Variants in GNA14 observed in about 807,000 individuals in gnomAD.
GNA14 encodes guanine nucleotide-binding protein subunit alpha-14.
In GNA14, 50 loss-of-function variants were observed where a neutral mutation model predicts 42.0. The observed-to-expected ratio is 1.19, with a 90% CI of 0.95 to 1.51. The LOEUF (loss-of-function observed/expected upper bound fraction) is 1.51, where lower values mean the gene tolerates loss of function less well. GNA14 is among the 40% of genes most tolerant of loss of function. The pLI is 0.00. For synonymous variants in GNA14, 173 were observed against 163.1 expected, an observed-to-expected ratio of 1.06 and a Z score of -0.46; for missense variants, 473 against 446.2, an observed-to-expected ratio of 1.06 and a Z score of -0.54.
At chr9:77,603,966 A>C (rs796839284) in intron 1 of GNA14, among the ~76,000 whole-genome samples, 1,862 of 148,104 alleles carry the variant, frequency 0.013, 19 homozygotes, top group African/African-American at 0.029. Flanking sequence ...CAAAAAAAAA[A>C]AAAAAAAAAA....
chr9:77,581,435 C>T (rs1376971462), intron 1 of GNA14, among the ~76,000 whole-genome samples: 1 of 152,180 alleles, frequency 6.6e-6, no homozygotes, highest in Non-Finnish European at 1.5e-5. Context: ...AACCATAGTA[C>T]CTACATCATG....
At chr9:77,517,308 A>G (rs975197341) in intron 2 of GNA14, 1 of 151,810 alleles carries the variant, frequency 6.6e-6, no homozygotes, top group African/African-American at 2.4e-5. Flanking sequence ...TCATTCATTC[A>G]TTCAAAAATA....
intron 2 of GNA14, chr9:77,518,132 T>C (rs1837291116): frequency 6.6e-6 from 1 of 152,040 alleles, no homozygotes; most frequent in Non-Finnish European, 1.5e-5. Context: ...TTTTGTAATA[T>C]CACCAGGAGC....
At chr9:77,504,874 G>C (rs760493301) in intron 2 of GNA14, among the ~76,000 whole-genome samples, 2 of 151,770 alleles carry the variant, frequency 1.3e-5, no homozygotes, top group Non-Finnish European at 2.9e-5. Context: ...CATCACGTTG[G>C]GCAGGATGGT....
At chr9:77,647,644 C>T in intron 1 of GNA14, 26 bp downstream of exon 1, 11 of 1,599,722 alleles carry the variant, frequency 6.9e-6, no homozygotes, top group Non-Finnish European at 9.4e-6. Context: ...GCCCGGCTCA[C>T]TGGAGTCGGA....
At chr9:77,546,891 C>A (rs1317072568) in intron 1 of GNA14, among the ~76,000 whole-genome samples, 3 of 152,066 alleles carry the variant, frequency 2.0e-5, no homozygotes, top group Admixed American at 6.5e-5. Context: ...TCTGGTTGCC[C>A]AGGGCAGCCT....
rs779445775 is a variant in GNA14, at chr9:77,428,962, A to G, written c.668T>C (p.Ile223Thr). Residue 223 changes from isoleucine (I) to threonine (T), a missense_variant, in exon 5 of 7, where the codon ATT (isoleucine) becomes ACT (threonine). Ile to Thr is a moderately conservative substitution (Grantham distance 89). Transcript: ENST00000341700. The part of the protein sequence containing the change: ...IHCFESVTSI[I>T]FLVALSEYDQ... ...ATATTCACTCAGAGCAACCAAGAAA[A>G]TAATGGAGGTGACACTCTCAAAGCA... The G allele has an allele frequency of 1.2e-6, 2 of 1,614,012 alleles. No homozygotes were observed. Among genetic ancestry groups the G allele is most frequent in the East Asian group, 4.5e-5 (2 of 44,880 alleles).
chr9:77,564,548 G>A (rs563700529), intron 1 of GNA14, among the ~76,000 whole-genome samples: 184 of 152,028 alleles, frequency 1.2e-3, no homozygotes, highest in Non-Finnish European at 2.2e-3. Flanking sequence ...AAATATTATG[G>A]CTGGGCATGG....
At chr9:77,437,657 A>C (rs942634717) in intron 2 of GNA14, among the ~76,000 whole-genome samples, 1 of 152,036 alleles carries the variant, frequency 6.6e-6, no homozygotes, top group East Asian at 1.9e-4. Context: ...AAGGAAAGAA[A>C]GAAAGAAACT....
chr9:77,601,991 G>A (rs943766255), intron 1 of GNA14, among the ~76,000 whole-genome samples: 1 of 152,180 alleles, frequency 6.6e-6, no homozygotes, highest in African/African-American at 2.4e-5. Flanking sequence ...CCTGCATCAT[G>A]TTTTACAATT....
chr9:77,604,367 T>C lies in GNA14; in HGVS notation c.124+43303A>G, dbSNP rs546717572. Among the ~76,000 whole-genome samples the C allele has an allele frequency of 2.6e-5, 4 of 152,344 alleles. No individual in the cohort carries two copies. In the East Asian group the frequency reaches 7.7e-4, roughly 29 times the overall value. On this transcript the variant is annotated intron_variant, in intron 1 of 6. Transcript: ENST00000341700. ...ATGTCAAGCATCAAAGGCTGAAGTT[T>C]AGTCTCTCTCACTTTGGTAAAGCCC...
In GNA14 at chr9:77,529,088, T is replaced by TACTG; in HGVS notation, c.286_289dup (p.Tyr97SerfsTer5). The stretch of plus-strand genomic sequence containing the variant: ...CGTTACCTTATTCTGTTCACACACA[T>TACTG]ACTGTATCCTTAGCGTGTCCATCGC... On this transcript the variant is annotated frameshift_variant, in exon 2 of 7. Transcript: ENST00000341700. LOFTEE classifies it high-confidence loss of function. 6.2e-7 allele frequency: 1 copy of TACTG among 1,614,138 alleles called. No homozygotes were observed. Among genetic ancestry groups the TACTG allele is most frequent in the Non-Finnish European group, 8.5e-7 (1 of 1,179,958 alleles).
In GNA14 at chr9:77,647,760, TCTC is replaced by T. The variant is rs1353686739; in HGVS notation, c.31_33del (p.Glu11del). ...TCCGCGCTGATGCGCTGCGACTCCT[TCTC>T]CTCCGCGGACAGGCAGCAGCAGCCG... On this transcript the variant is annotated inframe_deletion, in exon 1 of 7. Transcript: ENST00000341700. 3.1e-6 allele frequency: 5 copies of T among 1,610,184 alleles called. No individual in the cohort carries two copies. The highest frequency in any genetic ancestry group is 1.1e-5 in the South Asian group (1 of 90,396).
chr9:77,491,134 T>C (rs1236137740), intron 2 of GNA14, among the ~76,000 whole-genome samples: 1 of 152,228 alleles, frequency 6.6e-6, no homozygotes, highest in African/African-American at 2.4e-5. Flanking sequence ...AAGCTATCTT[T>C]TAAATATGAA....
chr9:77,494,455 G>GA (rs35470646), intron 2 of GNA14, among the ~76,000 whole-genome samples: 8 of 150,048 alleles, frequency 5.3e-5, no homozygotes, highest in East Asian at 1.9e-4. Flanking sequence ...TATTGTGATT[G>GA]AAAAAAAAAA....
intron 2 of GNA14, chr9:77,526,790 G>A (rs964423674): frequency 3.3e-5 from 5 of 152,176 alleles, no homozygotes; most frequent in Non-Finnish European, 5.9e-5. Context: ...TGTTATAACA[G>A]CCCTAGGAAA....
intron 1 of GNA14, among the ~76,000 whole-genome samples, chr9:77,560,385 C>G (rs1320242441): frequency 1.3e-5 from 2 of 149,726 alleles, no homozygotes; most frequent in African/African-American, 4.9e-5. Context: ...GCCTCCCAGG[C>G]TTAAGTGATC....
chr9:77,458,792 C>T (rs1335183013), intron 2 of GNA14, among the ~76,000 whole-genome samples: 1 of 151,928 alleles, frequency 6.6e-6, no homozygotes, highest in Non-Finnish European at 1.5e-5. Flanking sequence ...CCCGAGGGGA[C>T]ACAGCAGAAA....
At chr9:77,458,904 A>AGG (rs138020529) in intron 2 of GNA14, among the ~76,000 whole-genome samples, 15,011 of 134,164 alleles carry the variant, frequency 0.11, 1,007 homozygotes, top group African/African-American at 0.17. Flanking sequence ...CACAAGCTGG[A>AGG]GGGGGGGGGG....
Sources: gnomAD v4.1 joint callset for allele counts (sites outside exome capture counted in the v4.1 genomes callset) on GRCh38, gnomAD v4.1.1 for gene constraint, MANE v1.5 for transcripts, NCBI Gene and HGNC (gene_info 2026-07-23, HGNC 2026-07-21) for gene names.